RIPOR2: variants seen among roughly 807,000 people sequenced by gnomAD.
RIPOR2 encodes rho family-interacting cell polarization regulator 2.
A neutral mutation model predicts 114.5 loss-of-function variants in RIPOR2; 39 were observed. The observed-to-expected ratio is 0.34, with a 90% CI of 0.26 to 0.44. The LOEUF is 0.44. Ranked by LOEUF, RIPOR2 falls within the 20% of genes least tolerant of loss-of-function variation. The pLI is 1.00. For synonymous variants in RIPOR2, 445 were observed against 484.4 expected (o/e 0.92, Z 1.07); for missense variants, 1,007 against 1,255.1 (o/e 0.80, Z 2.99).
intron 1 of RIPOR2, among the ~76,000 whole-genome samples, chr6:24,985,565 A>T (rs1774493973): frequency 6.6e-6 from 1 of 152,172 alleles, no homozygotes; most frequent in Non-Finnish European, 1.5e-5. Flanking sequence ...GCTTGCCCTG[A>T]CATGTTCTTC....
At chr6:24,924,259 G>A (rs749800420) in intron 1 of RIPOR2, among the ~76,000 whole-genome samples, 3 of 152,142 alleles carry the variant, frequency 2.0e-5, no homozygotes, top group East Asian at 1.9e-4. Flanking sequence ...TGGGACTTGC[G>A]TGTGTGTAAA....
chr6:25,034,844 A>G (rs566446704), intron 1 of RIPOR2, among the ~76,000 whole-genome samples: 2 of 152,178 alleles, frequency 1.3e-5, no homozygotes, highest in South Asian at 4.1e-4. Flanking sequence ...TTCTCAACCA[A>G]CGGACCTCCC....
intron 12 of RIPOR2, among the ~76,000 whole-genome samples, chr6:24,846,460 C>G (rs1026329216): frequency 6.6e-6 from 1 of 151,954 alleles, no homozygotes; most frequent in African/African-American, 2.4e-5. Flanking sequence ...TGTGTACCAC[C>G]ACAACAGGGT....
At chr6:24,965,900 A>G (rs550985885) in intron 1 of RIPOR2, among the ~76,000 whole-genome samples, 4 of 152,188 alleles carry the variant, frequency 2.6e-5, no homozygotes, top group Admixed American at 1.3e-4. Context: ...AGATACAACT[A>G]TGGACAAATT....
chr6:24,966,117 T>C (rs1452372133), intron 1 of RIPOR2, among the ~76,000 whole-genome samples: 1 of 152,218 alleles, frequency 6.6e-6, no homozygotes, highest in Non-Finnish European at 1.5e-5. Flanking sequence ...TCTGGTACAA[T>C]TTCTTCTCTT....
intron 5 of RIPOR2, 27 bp from the exon 6 acceptor site, chr6:24,869,174 TAC>T (rs1162437048): frequency 5.5e-6 from 7 of 1,264,894 alleles, no homozygotes; most frequent in Non-Finnish European, 6.8e-6. Flanking sequence ...TTTGAAAAAG[TAC>T]AGTCATTTAT....
intron 1 of RIPOR2, chr6:25,015,904 T>TG (rs1775963594): frequency 1.1e-5 from 1 of 90,420 alleles, no homozygotes; most frequent in Non-Finnish European, 2.1e-5. Flanking sequence ...TGGTTTTTTT[T>TG]TTTTTTTTTT....
chr6:24,881,266 G>A (rs1766332270), intron 1 of RIPOR2, among the ~76,000 whole-genome samples: 1 of 152,104 alleles, frequency 6.6e-6, no homozygotes, highest in Non-Finnish European at 1.5e-5. Flanking sequence ...AGTTATTGAC[G>A]TCTCACCTGG....
At chr6:24,856,529 C>A (rs371492187) in intron 8 of RIPOR2, among the ~76,000 whole-genome samples, 1 of 152,050 alleles carries the variant, frequency 6.6e-6, no homozygotes. Context: ...CCGAGGTGGG[C>A]GGATCACCTG....
At chr6:24,833,866 C>T (rs1265158226) in intron 15 of RIPOR2, among the ~76,000 whole-genome samples, 1 of 151,998 alleles carries the variant, frequency 6.6e-6, no homozygotes, top group African/African-American at 2.4e-5. Flanking sequence ...ACTGCTTGCA[C>T]TAAAAGCATG....
intron 1 of RIPOR2, among the ~76,000 whole-genome samples, chr6:24,913,292 C>A (rs1188580358): frequency 6.6e-6 from 1 of 152,148 alleles, no homozygotes; most frequent in Non-Finnish European, 1.5e-5. Flanking sequence ...AGGACTGAAG[C>A]TCTAAACAGG....
At chr6:24,846,636 G>A (rs888891402) in intron 12 of RIPOR2, among the ~76,000 whole-genome samples, 1 of 151,958 alleles carries the variant, frequency 6.6e-6, no homozygotes, top group African/African-American at 2.4e-5. Context: ...CAATGAAAAC[G>A]ATGCAATTAT....
chr6:24,842,254 CCTT>C (rs1290334054), intron 13 of RIPOR2, among the ~76,000 whole-genome samples: 1 of 152,194 alleles, frequency 6.6e-6, no homozygotes, highest in Non-Finnish European at 1.5e-5. Flanking sequence ...AGGAAATCAT[CCTT>C]CTCATCTTAC....
intron 1 of RIPOR2, among the ~76,000 whole-genome samples, chr6:25,022,734 T>TA (rs1023219908): frequency 6.6e-6 from 1 of 151,498 alleles, no homozygotes; most frequent in African/African-American, 2.4e-5. Context: ...TTTGTAGAGA[T>TA]AGAGTCCCAC....
At chr6:25,029,672 G>A (rs1436715931) in intron 1 of RIPOR2, among the ~76,000 whole-genome samples, 1 of 151,774 alleles carries the variant, frequency 6.6e-6, no homozygotes, top group Non-Finnish European at 1.5e-5. Context: ...TGAGGGCGAA[G>A]GAAAAAAACT....
intron 15 of RIPOR2, among the ~76,000 whole-genome samples, chr6:24,833,096 A>C (rs1760812195): frequency 2.0e-5 from 3 of 152,184 alleles, no homozygotes; most frequent in African/African-American, 7.2e-5. Flanking sequence ...AGAAGAAAGG[A>C]TATAAGTCAT....
chr6:24,818,583 G>A lies in RIPOR2; in HGVS notation c.2911C>T (p.Gln971Ter). ...YCEALTKTNL[Q>*]LQKAACLALK... ...GCCAGGCAAGCTGCTTTCTGGAGCTGGAGGTTTGTCTTTGTTAGTGCTTCA... is the reference window on the plus strand; with the variant it reads ...GCCAGGCAAGCTGCTTTCTGGAGCTAGAGGTTTGTCTTTGTTAGTGCTTCA... Residue 971 changes from glutamine to a stop codon, truncating the protein, a stop_gained, in exon 20 of 22, where the codon CAG becomes TAG. Coordinates refer to ENST00000643898, the MANE Select transcript of RIPOR2 (RefSeq NM_001286445.3). LOFTEE classifies it high-confidence loss of function. 1 of 1,550,704 alleles carries A rather than the reference G, an allele frequency of 6.4e-7. No homozygotes were observed. The highest frequency in any genetic ancestry group is 8.7e-7 in the Non-Finnish European group (1 of 1,146,332).
At chr6:24,986,715 T>C (rs562477790) in intron 1 of RIPOR2, among the ~76,000 whole-genome samples, 169 of 152,216 alleles carry the variant, frequency 1.1e-3, no homozygotes, top group Non-Finnish European at 2.1e-3. Flanking sequence ...ACAACTACCA[T>C]GTGAAGAATA....
At chr6:24,851,231 A>C (rs1257151588) in intron 9 of RIPOR2, among the ~76,000 whole-genome samples, 1 of 152,110 alleles carries the variant, frequency 6.6e-6, no homozygotes, top group East Asian at 1.9e-4. Flanking sequence ...TGCCTGCCTG[A>C]GACAGGGAGG....
Sources: allele counts gnomAD v4.1 joint callset (sites outside exome capture counted in the v4.1 genomes callset), GRCh38; gene constraint gnomAD v4.1.1; transcripts MANE v1.5; gene names NCBI Gene and HGNC (gene_info 2026-07-23, HGNC 2026-07-21).